Variants in PRKN observed in about 807,000 individuals in gnomAD.
PRKN encodes the protein E3 ubiquitin-protein ligase parkin.
In PRKN, 56 loss-of-function variants were observed where a neutral mutation model predicts 59.5. The ratio of observed to expected loss-of-function variants is 0.94; its 90% CI spans 0.76 to 1.18. PRKN has a LOEUF of 1.18. Among genes scored for constraint, PRKN ranks in the 50% most tolerant of loss-of-function variants. PRKN has a pLI of 0.00. For missense variants in PRKN, 657 were observed against 596.4 expected (o/e 1.10, Z -1.06); for synonymous variants, 250 against 222.1 (o/e 1.13, Z -1.12).
intron 4 of PRKN, among the ~76,000 whole-genome samples, chr6:162,190,759 T>C (rs1784244191): frequency 6.6e-6 from 1 of 152,226 alleles, no homozygotes; most frequent in South Asian, 2.1e-4. Flanking sequence ...ATTTGTTTCT[T>C]ATAAAGCATC....
intron 2 of PRKN, among the ~76,000 whole-genome samples, chr6:162,271,005 C>A (rs1235066379): frequency 1.4e-5 from 2 of 146,380 alleles, no homozygotes; most frequent in African/African-American, 2.6e-5. Context: ...CTACACCTAG[C>A]TAATTTTCTA....
At chr6:161,811,628 ATCT>A (rs1243932801) in intron 6 of PRKN, among the ~76,000 whole-genome samples, 1 of 152,172 alleles carries the variant, frequency 6.6e-6, no homozygotes, top group Non-Finnish European at 1.5e-5. Context: ...ATTACTTTAA[ATCT>A]TCTAGAAGGG....
chr6:161,387,333 C>T (rs1026027790), intron 9 of PRKN, among the ~76,000 whole-genome samples: 8 of 152,212 alleles, frequency 5.3e-5, no homozygotes, highest in African/African-American at 1.9e-4. Flanking sequence ...GGGCTTCCCC[C>T]TTCGCTCAGC....
intron 1 of PRKN, among the ~76,000 whole-genome samples, chr6:162,626,814 CAAAA>C (rs5881483): frequency 7.5e-6 from 1 of 133,824 alleles, no homozygotes; most frequent in Non-Finnish European, 1.6e-5. Flanking sequence ...ACTCTGTCTC[CAAAA>C]AAAAAAAAAA....
chr6:162,725,931 CA>C (rs1299257693), intron 1 of PRKN, among the ~76,000 whole-genome samples: 3 of 152,156 alleles, frequency 2.0e-5, no homozygotes, highest in Non-Finnish European at 4.4e-5. Context: ...CACTTATTTG[CA>C]CTATGTAAAA....
chr6:161,667,138 T>G (rs983642742), intron 7 of PRKN, among the ~76,000 whole-genome samples: 3 of 152,190 alleles, frequency 2.0e-5, no homozygotes, highest in Admixed American at 1.3e-4. Context: ...GTGCTTCAGC[T>G]TTTCCAAACC....
intron 1 of PRKN, among the ~76,000 whole-genome samples, chr6:162,582,560 A>C (rs1028315910): frequency 2.6e-5 from 4 of 152,210 alleles, no homozygotes; most frequent in African/African-American, 9.6e-5. Flanking sequence ...ATTCAAGTTC[A>C]AATTTGCATG....
chr6:162,140,237 G>A (rs1255827299), intron 4 of PRKN, among the ~76,000 whole-genome samples: 1 of 152,110 alleles, frequency 6.6e-6, no homozygotes, highest in African/African-American at 2.4e-5. Context: ...TAATTTCTAA[G>A]ACTAAGAGCC....
chr6:161,988,822 C>G (rs1480053858), intron 5 of PRKN, among the ~76,000 whole-genome samples: 1 of 152,242 alleles, frequency 6.6e-6, no homozygotes, highest in African/African-American at 2.4e-5. Flanking sequence ...TACTACAGAG[C>G]ATTTTCATTG....
chr6:162,520,718 C>T (rs1272387172), intron 1 of PRKN, among the ~76,000 whole-genome samples: 1 of 151,816 alleles, frequency 6.6e-6, no homozygotes, highest in Non-Finnish European at 1.5e-5. Context: ...TTGGTATTTA[C>T]TTCACTATTT....
intron 6 of PRKN, among the ~76,000 whole-genome samples, chr6:161,885,513 A>C (rs1408880864): frequency 6.6e-6 from 1 of 151,996 alleles, no homozygotes; most frequent in Non-Finnish European, 1.5e-5. Context: ...AAATACAAAA[A>C]AATTAGCCAG....
At chr6:162,568,483 T>G in intron 1 of PRKN, 1 of 663,150 alleles carries the variant, frequency 1.5e-6, no homozygotes, top group Admixed American at 2.1e-5. Flanking sequence ...GCCGGCGGCA[T>G]GGGAGGCATC....
chr6:162,585,704 ATTAAT>A (rs895301652), intron 1 of PRKN, among the ~76,000 whole-genome samples: 3 of 152,070 alleles, frequency 2.0e-5, no homozygotes, highest in African/African-American at 7.2e-5. Context: ...TATTATTATT[ATTAAT>A]TTATTTATTT....
chr6:161,824,768 C>T (rs1467038568), intron 6 of PRKN, among the ~76,000 whole-genome samples: 1 of 152,060 alleles, frequency 6.6e-6, no homozygotes, highest in Non-Finnish European at 1.5e-5. Context: ...AATCATAGGG[C>T]CACATTGAAA....
chr6:161,456,632 C>T lies in PRKN; in HGVS notation c.1084-69755G>A, dbSNP rs1055509941. Among the ~76,000 whole-genome samples the T allele has an allele frequency of 6.6e-6, 1 of 152,216 alleles. No individual in the cohort carries two copies. The highest frequency in any genetic ancestry group is 1.5e-5 in the Non-Finnish European group (1 of 68,038). On this transcript the variant is annotated intron_variant, in intron 9 of 11. Transcript: ENST00000366898. The surrounding 1 kb of genome is among the most constrained non-coding windows in gnomAD (Gnocchi z 4.8). ...AACCCTGACTAATAATCTCCCACAT[C>T]ACCAGCTTGAATCCTGCCCAAGAAT...
intron 4 of PRKN, among the ~76,000 whole-genome samples, chr6:162,177,922 T>C (rs1471545680): frequency 6.6e-6 from 1 of 152,144 alleles, no homozygotes; most frequent in Non-Finnish European, 1.5e-5. Flanking sequence ...GTCCTTCATT[T>C]CTCTTTGAAT....
At chr6:162,174,486 T>C (rs983787559) in intron 4 of PRKN, among the ~76,000 whole-genome samples, 4 of 152,186 alleles carry the variant, frequency 2.6e-5, no homozygotes, top group African/African-American at 9.7e-5. Context: ...TTAACCTGCA[T>C]ATTTCTATTT....
At chr6:162,430,091 C>A (rs1789435022) in intron 2 of PRKN, among the ~76,000 whole-genome samples, 1 of 152,052 alleles carries the variant, frequency 6.6e-6, no homozygotes, top group South Asian at 2.1e-4. Context: ...AGCTTAGAGG[C>A]CTTACTGACT....
chr6:162,480,573 C>T (rs1046456233), intron 1 of PRKN, among the ~76,000 whole-genome samples: 4 of 152,148 alleles, frequency 2.6e-5, no homozygotes, highest in Admixed American at 6.6e-5. Flanking sequence ...CCAGGAGGAC[C>T]GAGTGCTGCT....
Sources: allele counts gnomAD v4.1 joint callset (sites outside exome capture counted in the v4.1 genomes callset), GRCh38; gene constraint gnomAD v4.1.1; non-coding constraint Gnocchi (gnomAD v3.1); transcripts MANE v1.5; gene names NCBI Gene and HGNC (gene_info 2026-07-23, HGNC 2026-07-21).